Variants in ITK observed in about 807,000 individuals in gnomAD.
ITK encodes tyrosine-protein kinase ITK/TSK.
ITK carries 45 observed loss-of-function variants against 87.6 expected under a neutral mutation model. That is an observed-to-expected ratio of 0.51 (90% CI 0.40 to 0.66). The LOEUF is 0.66. ITK is among the 30% of genes least tolerant of loss of function. ITK has a pLI of 0.00. For missense variants in ITK, 605 were observed against 766.3 expected, an observed-to-expected ratio of 0.79 and a Z score of 2.48; for synonymous variants, 303 against 273.6, an observed-to-expected ratio of 1.11 and a Z score of -1.06.
At chr5:157,238,274 A>G in intron 9 of ITK, 83 bp downstream of exon 9, 2 of 1,042,286 alleles carry the variant, frequency 1.9e-6, no homozygotes. Context: ...ACAAAGTTAG[A>G]CAGTGCAAGA....
At chr5:157,235,942 T>A (rs1480560692) in intron 8 of ITK, among the ~76,000 whole-genome samples, 2 of 152,194 alleles carry the variant, frequency 1.3e-5, no homozygotes, top group East Asian at 3.8e-4. Flanking sequence ...TAATGGCCAA[T>A]AATACTCTAA....
At chr5:157,244,926 T>C (rs780220355) in intron 13 of ITK, 1 of 228,738 alleles carries the variant, frequency 4.4e-6, no homozygotes, top group Non-Finnish European at 8.8e-6. Flanking sequence ...TGTATGCACA[T>C]TAAAATTTGA....
At chr5:157,213,829 C>T (rs1334698062) in intron 3 of ITK, 1 of 362,528 alleles carries the variant, frequency 2.8e-6, no homozygotes, top group Non-Finnish European at 5.3e-6. Context: ...GTGGTAATTC[C>T]ACCTTCTCAA....
intron 5 of ITK, among the ~76,000 whole-genome samples, chr5:157,219,721 A>G (rs531995559): frequency 1.3e-5 from 2 of 152,012 alleles, no homozygotes; most frequent in Non-Finnish European, 2.9e-5. Flanking sequence ...CTATTTCACC[A>G]TCCCCTTTGA....
At position 157,253,482 on chromosome 5, in the gene ITK, T is replaced by C. The variant is rs139794260; in HGVS notation, c.*804T>C. On this transcript the variant is annotated 3_prime_UTR_variant, in exon 17 of 17. Coordinates refer to ENST00000422843, the MANE Select transcript of ITK (RefSeq NM_005546.4). ...AGAAGAGATCTTAGGTCTCTTCTTTTATACCAAGCTCATCTTTTATACCAA... is the reference window on the plus strand; with the variant it reads ...AGAAGAGATCTTAGGTCTCTTCTTTCATACCAAGCTCATCTTTTATACCAA... 169 of 225,180 alleles carry C rather than the reference T, an allele frequency of 7.5e-4. No homozygotes were observed. The highest frequency in any genetic ancestry group is 1.3e-3 in the Non-Finnish European group (148 of 112,962). The allele number at this position is 225,180 out of a possible 1,614,324, so 13.9% of individuals were successfully genotyped here.
At chr5:157,243,841 G>T in intron 12 of ITK, 47 bp downstream of exon 12, 2 of 1,573,296 alleles carry the variant, frequency 1.3e-6, no homozygotes, top group East Asian at 2.2e-5. Context: ...GGGGAACATC[G>T]GTTCAGTGTT....
rs535662099 is a variant in ITK, at chr5:157,244,238, T to C, written c.1233-24T>C. 3 of 1,598,606 alleles carry C rather than the reference T, an allele frequency of 1.9e-6. No homozygotes were observed. The South Asian group carries it at 3.3e-5, about 18-fold the overall frequency. ...TTTGGGAGACTGAGTTTAGGCCATC[T>C]CACCCCTTGTCTTTTTCCTCCAGGA... On this transcript the variant is annotated intron_variant, in intron 12 of 16. Coordinates refer to ENST00000422843, the MANE Select transcript of ITK (RefSeq NM_005546.4).
chr5:157,218,749 G>C (rs937361754), intron 5 of ITK, among the ~76,000 whole-genome samples: 2 of 152,124 alleles, frequency 1.3e-5, no homozygotes, highest in African/African-American at 4.8e-5. Flanking sequence ...AACTTAGTAG[G>C]ATGCAAGGTT....
intron 1 of ITK, among the ~76,000 whole-genome samples, chr5:157,197,308 A>T (rs31224): frequency 0.68 from 103,770 of 152,104 alleles, 35,588 homozygotes; most frequent in African/African-American, 0.75. Context: ...TTATGCGGTT[A>T]CAAGGGCGTG....
chr5:157,186,629 TTGTG>T (rs1753647942), intron 1 of ITK, among the ~76,000 whole-genome samples: 1 of 151,152 alleles, frequency 6.6e-6, no homozygotes, highest in African/African-American at 2.4e-5. Flanking sequence ...AGAGCCAAGA[TTGTG>T]CGATTGCACT....
intron 1 of ITK, among the ~76,000 whole-genome samples, chr5:157,196,831 G>A (rs558873361): frequency 1.1e-4 from 16 of 152,166 alleles, no homozygotes; most frequent in East Asian, 1.9e-4. Context: ...CAAAAAATAC[G>A]TTCTTTCAAA....
chr5:157,216,275 C>G (rs1279223246), intron 4 of ITK, among the ~76,000 whole-genome samples: 1 of 152,112 alleles, frequency 6.6e-6, no homozygotes, highest in African/African-American at 2.4e-5. Flanking sequence ...ATTGGCAGTG[C>G]GGGTCTATGA....
At chr5:157,246,052 G>A in intron 15 of ITK, 53 bp downstream of exon 15, 1 of 1,239,508 alleles carries the variant, frequency 8.1e-7, no homozygotes, top group Non-Finnish European at 1.2e-6. Flanking sequence ...CAGGCCAGCT[G>A]TTTCCTTTAT....
At chr5:157,250,353 A>G (rs1209738925) in intron 16 of ITK, among the ~76,000 whole-genome samples, 1 of 152,136 alleles carries the variant, frequency 6.6e-6, no homozygotes, top group Non-Finnish European at 1.5e-5. Context: ...TCATTTAGTA[A>G]TATGCTTTAA....
chr5:157,214,362 T>C (rs746355367), intron 4 of ITK, 43 bp downstream of exon 4: 2 of 1,548,872 alleles, frequency 1.3e-6, no homozygotes, highest in African/African-American at 1.4e-5. Context: ...GAAATGACCA[T>C]AAAAAAGTAA....
At position 157,189,646 on chromosome 5, in the gene ITK, A is replaced by C. The variant is rs567213237; in HGVS notation, c.138+8531A>C. ...CAGTAGGCTGAGATCGCACCACTGC[A>C]CTCCAGCCTGGGCGACACAGCAAGG... On this transcript the variant is annotated intron_variant, in intron 1 of 16. Transcript: ENST00000422843. Among the ~76,000 whole-genome samples, 134 of 152,270 alleles carry C rather than the reference A, an allele frequency of 8.8e-4. 1 individual carries two copies. Among genetic ancestry groups the C allele is most frequent in the Middle Eastern group, 3.4e-3 (1 of 294 alleles).
intron 15 of ITK, among the ~76,000 whole-genome samples, chr5:157,247,418 C>T (rs1379306697): frequency 6.6e-6 from 1 of 152,196 alleles, no homozygotes; most frequent in Admixed American, 6.5e-5. Flanking sequence ...GCAGTCATCT[C>T]ACTATGGGTG....
intron 16 of ITK, among the ~76,000 whole-genome samples, chr5:157,250,147 A>T (rs963098569): frequency 3.9e-5 from 6 of 152,200 alleles, no homozygotes; most frequent in African/African-American, 1.2e-4. Context: ...TCACAAATTC[A>T]TGTATCCATC....
In ITK at chr5:157,255,092, T is replaced by G. The variant is rs907305462; in HGVS notation, c.*2414T>G. The G allele has an allele frequency of 1.0e-5, 2 of 193,856 alleles. No homozygotes were observed. The highest frequency in any genetic ancestry group is 1.2e-4 in the Admixed American group (2 of 16,394). 12.0% of individuals were successfully genotyped at this position (193,856 alleles called of 1,614,324 possible). ...ACTGCTAGTGTTCAAAATAAAAATG[T>G]TACAAATACCTGTTATCCTTTGTAG... On this transcript the variant is annotated 3_prime_UTR_variant, in exon 17 of 17. Coordinates refer to ENST00000422843, the MANE Select transcript of ITK (RefSeq NM_005546.4).
Sources: allele counts gnomAD v4.1 joint callset (sites outside exome capture counted in the v4.1 genomes callset), GRCh38; gene constraint gnomAD v4.1.1; transcripts MANE v1.5; gene names NCBI Gene and HGNC (gene_info 2026-07-23, HGNC 2026-07-21).